The following AUTS2 variants were observed in gnomAD, a reference collection of about 807,000 sequenced individuals.
The protein encoded by AUTS2 is autism susceptibility gene 2 protein.
AUTS2 carries 17 observed loss-of-function variants against 112.4 expected under a neutral mutation model. The observed-to-expected ratio is 0.15, with a 90% CI of 0.10 to 0.23. The LOEUF (loss-of-function observed/expected upper bound fraction) is 0.23. Ranked by LOEUF, AUTS2 falls within the 10% of genes least tolerant of loss-of-function variation. The probability of loss-of-function intolerance (pLI) is 1.00; values close to 1 mark genes in which losing one functional copy is unlikely to be tolerated. For missense variants in AUTS2, 1,510 were observed against 1,701.6 expected, an observed-to-expected ratio of 0.89 and a Z score of 1.98; for synonymous variants, 751 against 702.7, an observed-to-expected ratio of 1.07 and a Z score of -1.09.
At chr7:70,484,353 A>C (rs1797902581) in intron 5 of AUTS2, among the ~76,000 whole-genome samples, 1 of 152,220 alleles carries the variant, frequency 6.6e-6, no homozygotes, top group Non-Finnish European at 1.5e-5. Context: ...CCACTCTTAG[A>C]AGTCAGCTTT....
intron 4 of AUTS2, among the ~76,000 whole-genome samples, chr7:70,327,213 C>T (rs548783972): frequency 3.3e-5 from 5 of 152,194 alleles, no homozygotes; most frequent in South Asian, 4.1e-4. Context: ...CCACCGCGCC[C>T]GGCCGCTCAG....
chr7:70,349,239 G>T (rs993155813), intron 4 of AUTS2, among the ~76,000 whole-genome samples: 1 of 152,188 alleles, frequency 6.6e-6, no homozygotes, highest in Non-Finnish European at 1.5e-5. Flanking sequence ...GAGGGGTGAC[G>T]TGCGACTTAG....
chr7:70,108,601 C>T (rs1804895964), intron 2 of AUTS2, among the ~76,000 whole-genome samples: 1 of 151,748 alleles, frequency 6.6e-6, no homozygotes, highest in Admixed American at 6.6e-5. Flanking sequence ...AGTTATCTCA[C>T]CCATTAATGT....
rs537219099 is a variant in AUTS2 at position 70,307,350 on chromosome 7, G to A, written c.661-128402G>A. On this transcript the variant is annotated intron_variant, in intron 4 of 18. Coordinates refer to ENST00000342771, the MANE Select transcript of AUTS2 (RefSeq NM_015570.4). ...CTGAAGTGCAAGCATCCATGATGGA[G>A]ACTGGAGCTGTCCATTGGCTACTGC... Among the ~76,000 whole-genome samples, 3 of 152,310 alleles carry A rather than the reference G, an allele frequency of 2.0e-5. No individual in the cohort carries two copies. In the South Asian group the frequency reaches 6.2e-4, roughly 32 times the overall value.
chr7:70,108,783 CAAAAAAAAAAAAAAAA>C (rs528009205), intron 2 of AUTS2, among the ~76,000 whole-genome samples: 16,379 of 69,324 alleles, frequency 0.24, 1,099 homozygotes, highest in Admixed American at 0.32. Context: ...GCCAACATGG[CAAAAAAAAAAAAAAAA>C]AAAAAAAAAA....
At chr7:70,764,190 G>A (rs73183031) in intron 7 of AUTS2, among the ~76,000 whole-genome samples, 3 of 152,222 alleles carry the variant, frequency 2.0e-5, no homozygotes, top group Non-Finnish European at 4.4e-5. Context: ...TCTTTGGGGG[G>A]CAGGTTTCCT....
At chr7:70,279,176 A>G (rs1160983308) in intron 4 of AUTS2, among the ~76,000 whole-genome samples, 1 of 152,186 alleles carries the variant, frequency 6.6e-6, no homozygotes, top group Non-Finnish European at 1.5e-5. Flanking sequence ...GAAATCGGAA[A>G]GTTTCTGCCT....
At chr7:70,482,704 C>T (rs1207252377) in intron 5 of AUTS2, among the ~76,000 whole-genome samples, 1 of 152,154 alleles carries the variant, frequency 6.6e-6, no homozygotes, top group Non-Finnish European at 1.5e-5. Context: ...CTTATCCCAA[C>T]GTCTCCGTGA....
At chr7:70,165,008 T>C (rs1056880084) in intron 4 of AUTS2, among the ~76,000 whole-genome samples, 2 of 152,056 alleles carry the variant, frequency 1.3e-5, no homozygotes, top group Non-Finnish European at 2.9e-5. Context: ...GGAATTTTAG[T>C]AGAGTGATGG....
chr7:69,668,317 A>G (rs1306726060), intron 1 of AUTS2, among the ~76,000 whole-genome samples: 2 of 152,208 alleles, frequency 1.3e-5, no homozygotes, highest in African/African-American at 2.4e-5. Context: ...TATGATTATA[A>G]TGTAGCGTTA....
At chr7:70,213,164 G>A (rs148929838) in intron 4 of AUTS2, among the ~76,000 whole-genome samples, 197 of 151,866 alleles carry the variant, frequency 1.3e-3, no homozygotes, top group Admixed American at 3.6e-3. Flanking sequence ...GTATATCAAC[G>A]AATTTTTTTA....
In AUTS2 at chr7:70,600,335, G is replaced by A. The variant is rs376726903; in HGVS notation, c.691-98234G>A. Reference sequence around the variant, plus strand: ...CTGTTGCCCAGGCTGGAGTGCGGTGGTGCCATCTTGGCTTACTGCAACCTC... The same window carrying A: ...CTGTTGCCCAGGCTGGAGTGCGGTGATGCCATCTTGGCTTACTGCAACCTC... On this transcript the variant is annotated intron_variant, in intron 5 of 18. Coordinates refer to ENST00000342771, the MANE Select transcript of AUTS2 (RefSeq NM_015570.4). Among the ~76,000 whole-genome samples the A allele has an allele frequency of 2.0e-5, 3 of 152,250 alleles. No homozygotes were observed. In the East Asian group the frequency reaches 5.8e-4, roughly 29 times the overall value.
chr7:70,763,327 C>T lies in AUTS2; in HGVS notation c.1200C>T (p.Ser400=). The change falls in exon 7 of 19, where the codon AGC becomes AGT. Residue 400 remains serine, a synonymous_variant. Transcript: ENST00000342771. The part of the protein sequence containing the change: ...PLSAYNSSSL[S]LNSLSSSRSS... ...CAGCCTACAACAGCAGTAGCTTAAG[C>T]CTCAACAGTTTAAGGTGAGTGGCCT... The T allele has an allele frequency of 6.3e-7, 1 of 1,575,776 alleles. No individual in the cohort carries two copies. Among genetic ancestry groups the T allele is most frequent in the Non-Finnish European group, 8.6e-7 (1 of 1,159,556 alleles).
intron 5 of AUTS2, among the ~76,000 whole-genome samples, chr7:70,620,967 C>T (rs570855195): frequency 1.3e-5 from 2 of 152,320 alleles, no homozygotes; most frequent in Admixed American, 6.5e-5. Context: ...GCGACAGGAG[C>T]ACTTCCAGTT....
At chr7:70,034,999 A>C (rs372417684) in intron 2 of AUTS2, among the ~76,000 whole-genome samples, 1 of 152,134 alleles carries the variant, frequency 6.6e-6, no homozygotes, top group Admixed American at 6.6e-5. Flanking sequence ...GCCTGGCTCA[A>C]TTCTACTTTT....
intron 4 of AUTS2, among the ~76,000 whole-genome samples, chr7:70,251,553 T>G (rs1786603207): frequency 6.6e-6 from 1 of 152,166 alleles, no homozygotes; most frequent in Non-Finnish European, 1.5e-5. Flanking sequence ...TTTCAAGTAT[T>G]GCCAACTCCT....
At chr7:70,659,419 C>T (rs1007218111) in intron 5 of AUTS2, among the ~76,000 whole-genome samples, 3 of 152,140 alleles carry the variant, frequency 2.0e-5, no homozygotes, top group South Asian at 2.1e-4. Flanking sequence ...ATGTGCGGTC[C>T]GGGCTGAGAG....
At chr7:70,051,356 G>A (rs1229996528) in intron 2 of AUTS2, among the ~76,000 whole-genome samples, 2 of 152,120 alleles carry the variant, frequency 1.3e-5, no homozygotes, top group African/African-American at 4.8e-5. Context: ...AGAAATGAGA[G>A]AACATTAAGC....
At chr7:70,095,778 G>A (rs569675648) in intron 2 of AUTS2, among the ~76,000 whole-genome samples, 2 of 152,234 alleles carry the variant, frequency 1.3e-5, no homozygotes, top group African/African-American at 2.4e-5. Context: ...AAAGAAAAGC[G>A]TCTTGCCTAA....
Sources: allele counts gnomAD v4.1 joint callset (sites outside exome capture counted in the v4.1 genomes callset), GRCh38; gene constraint gnomAD v4.1.1; transcripts MANE v1.5; gene names NCBI Gene and HGNC (gene_info 2026-07-23, HGNC 2026-07-21).